The following STXBP4 variants were observed in gnomAD, a reference collection of about 807,000 sequenced individuals.
STXBP4 encodes syntaxin binding protein 4.
STXBP4 carries 55 observed loss-of-function variants against 76.1 expected under a neutral mutation model. The ratio of observed to expected loss-of-function variants is 0.72; its 90% CI spans 0.58 to 0.91. STXBP4 has a LOEUF of 0.91. Ranked by LOEUF, STXBP4 falls within the 40% of genes least tolerant of loss-of-function variation. The pLI, the probability that STXBP4 is intolerant of heterozygous loss-of-function variation, is 0.00. For synonymous variants in STXBP4, 201 were observed against 220.2 expected, an observed-to-expected ratio of 0.91 and a Z score of 0.77; for missense variants, 618 against 636.9, an observed-to-expected ratio of 0.97 and a Z score of 0.32.
chr17:55,144,658 C>G (rs2080132415), intron 17 of STXBP4, among the ~76,000 whole-genome samples: 1 of 152,194 alleles, frequency 6.6e-6, no homozygotes, highest in African/African-American at 2.4e-5. Context: ...CTAATTTGAA[C>G]TGCTTGTAAA....
At chr17:55,109,624 CTT>C (rs551292679) in intron 16 of STXBP4, among the ~76,000 whole-genome samples, 30,153 of 114,014 alleles carry the variant, frequency 0.26, 2,589 homozygotes, top group African/African-American at 0.29. Context: ...AACTCAATGT[CTT>C]TTTTTTTTTT....
At chr17:55,049,027 T>C (rs2078826184) in intron 12 of STXBP4, among the ~76,000 whole-genome samples, 1 of 151,938 alleles carries the variant, frequency 6.6e-6, no homozygotes, top group African/African-American at 2.4e-5. Flanking sequence ...AAGCAACTTA[T>C]GAAGGCAATA....
intron 4 of STXBP4, among the ~76,000 whole-genome samples, chr17:54,993,705 AAC>A: frequency 6.6e-6 from 1 of 152,248 alleles, no homozygotes; most frequent in Non-Finnish European, 1.5e-5. Flanking sequence ...TGGAATAGGA[AAC>A]ACAAACTCAT....
chr17:54,981,882 A>C (rs1349286958), intron 1 of STXBP4, among the ~76,000 whole-genome samples: 3 of 152,198 alleles, frequency 2.0e-5, no homozygotes, highest in African/African-American at 7.2e-5. Flanking sequence ...TGTAAAAAAA[A>C]CACAGTTCAC....
the STXBP4 span, among the ~76,000 whole-genome samples, chr17:55,192,741 T>C: frequency 6.6e-6 from 1 of 152,198 alleles, no homozygotes; most frequent in East Asian, 1.9e-4. Context: ...TATGCCCATT[T>C]TACTGATGAA....
intron 1 of STXBP4, among the ~76,000 whole-genome samples, chr17:54,984,594 C>T (rs562289494): frequency 2.0e-5 from 3 of 152,084 alleles, no homozygotes; most frequent in African/African-American, 7.2e-5. Flanking sequence ...CCACCCGCCT[C>T]GGCCACCCAA....
chr17:55,051,088 G>A (rs889355266), intron 12 of STXBP4, among the ~76,000 whole-genome samples: 18 of 152,116 alleles, frequency 1.2e-4, no homozygotes, highest in African/African-American at 4.1e-4. Context: ...ACACAGCAAT[G>A]AAATTGATTA....
intron 16 of STXBP4, among the ~76,000 whole-genome samples, chr17:55,132,143 T>C (rs541380585): frequency 6.6e-6 from 1 of 152,358 alleles, no homozygotes; most frequent in African/African-American, 2.4e-5. Context: ...GGGAAAATAA[T>C]GCAAATATTT....
rs2145199226 is a variant in STXBP4 at position 55,161,619 on chromosome 17, C to T, written c.*1708C>T. On this transcript the variant is annotated 3_prime_UTR_variant, in exon 18 of 18. Coordinates refer to ENST00000376352, the MANE Select transcript of STXBP4 (RefSeq NM_178509.6). The stretch of plus-strand genomic sequence containing the variant: ...CACACAGCCCACTGACAAGAGACAC[C>T]TCATCCATTAACTGCTGTTTTGTAC... 6.6e-6 allele frequency: 1 copy of T among 152,304 alleles called. No individual in the cohort carries two copies. Among genetic ancestry groups the T allele is most frequent in the Non-Finnish European group, 1.5e-5 (1 of 68,032 alleles). The allele number at this position is 152,304 out of a possible 1,614,324, so 9.4% of individuals were successfully genotyped here. A position where few individuals can be genotyped will look rare whatever the true frequency, so the allele number is the denominator to read the frequency against.
Position 55,043,321 on chromosome 17 carries a change from T to C in STXBP4, c.941T>C (p.Leu314Pro). The C allele has an allele frequency of 1.3e-6, 2 of 1,485,184 alleles. No individual in the cohort carries two copies. The highest frequency in any genetic ancestry group is 1.4e-5 in the African/African-American group (1 of 69,726). The allele number at this position is 1,485,184 out of a possible 1,614,324, so 92.0% of individuals were successfully genotyped here. A position where few individuals can be genotyped will look rare whatever the true frequency, so the allele number is the denominator to read the frequency against. ...RDDALKEVNT[L>P]KEKLLESDKQ... The stretch of plus-strand genomic sequence containing the variant: ...GATGCCTTGAAAGAAGTAAATACAC[T>C]TAAGGTAACCTCTAATTTAGTTTCC... Residue 314 changes from leucine (L) to proline (P), a missense_variant, in exon 11 of 18, where the codon CTT becomes CCT. Physicochemically the swap from Leu to Pro is moderately conservative, Grantham distance 98. Coordinates refer to ENST00000376352, the MANE Select transcript of STXBP4 (RefSeq NM_178509.6).
Position 55,081,166 on chromosome 17 carries a change from C to A in STXBP4, c.1472C>A (p.Ala491Asp). 1 of 1,498,212 alleles carries A rather than the reference C, an allele frequency of 6.7e-7. No homozygotes were observed. Among genetic ancestry groups the A allele is most frequent in the South Asian group, 1.4e-5 (1 of 73,528 alleles). 92.8% of individuals were successfully genotyped at this position (1,498,212 alleles called of 1,614,324 possible). A position where few individuals can be genotyped will look rare whatever the true frequency, so the allele number is the denominator to read the frequency against. The change falls in exon 16 of 18, where the codon GCC becomes GAC. Residue 491 changes from alanine (A) to aspartate (D), a missense_variant. By Grantham distance (126) the Ala-to-Asp change is moderately radical. Transcript: ENST00000376352. ...AAGGAACTTGTTAAATCTGTTCGTG[C>A]CTTACTTGATATGGATTGTAAGTTT... is the stretch of plus-strand genomic sequence containing the variant. ...ESKELVKSVR[A>D]LLDMDCLPYG... is the part of the protein sequence containing the mutation.
chr17:55,211,093 GC>G, the STXBP4 span, among the ~76,000 whole-genome samples: 1,515 of 150,598 alleles, frequency 0.01, 27 homozygotes, highest in African/African-American at 0.034. Flanking sequence ...ATCGTGAAAT[GC>G]CCCCCCCCAT....
the STXBP4 span, among the ~76,000 whole-genome samples, chr17:55,195,666 G>A: frequency 2.0e-5 from 3 of 152,174 alleles, no homozygotes; most frequent in Non-Finnish European, 4.4e-5. Context: ...GAACTCCTGA[G>A]CTCCAGTGAT....
chr17:55,048,529 C>A (rs925632424), intron 12 of STXBP4, among the ~76,000 whole-genome samples: 1 of 151,804 alleles, frequency 6.6e-6, no homozygotes, highest in Non-Finnish European at 1.5e-5. Flanking sequence ...ACACTCCATA[C>A]TCAAGGGAAT....
chr17:55,148,311 C>T (rs1299854853), intron 17 of STXBP4, among the ~76,000 whole-genome samples: 1 of 152,142 alleles, frequency 6.6e-6, no homozygotes, highest in Non-Finnish European at 1.5e-5. Flanking sequence ...ATTGTGTCAT[C>T]TCATTTATAA....
chr17:55,103,501 G>C (rs987799147), intron 16 of STXBP4, among the ~76,000 whole-genome samples: 58 of 151,090 alleles, frequency 3.8e-4, no homozygotes, highest in African/African-American at 1.4e-3. Flanking sequence ...ATCTCTTTTG[G>C]TACCAGTATT....
At chr17:55,207,549 T>G in the STXBP4 span, among the ~76,000 whole-genome samples, 1 of 152,200 alleles carries the variant, frequency 6.6e-6, no homozygotes, top group Non-Finnish European at 1.5e-5. Flanking sequence ...TCCCTTCAAA[T>G]ACTCTTATTT....
rs2080321390 is a variant in STXBP4 at position 55,159,821 on chromosome 17, G to A, written c.1572G>A (p.Trp524Ter). Residue 524 changes from tryptophan to a stop codon, truncating the protein, a stop_gained, in exon 18 of 18, where the codon TGG becomes TGA. Transcript: ENST00000376352. LOFTEE classifies it high-confidence loss of function. ...FINHVTQTTS[W>*]IHPVMSVLNL... Reference sequence around the variant, plus strand: ...GTCATGTAACACAGACTACATCCTGGATCCATCCCGTGATGAGTGTCCTGA... The same window carrying A: ...GTCATGTAACACAGACTACATCCTGAATCCATCCCGTGATGAGTGTCCTGA... 1 of 1,613,144 alleles carries A rather than the reference G, an allele frequency of 6.2e-7. No homozygotes were observed. Among genetic ancestry groups the A allele is most frequent in the Admixed American group, 1.7e-5 (1 of 59,970 alleles).
chr17:55,077,969 A>C (rs2079205915), intron 13 of STXBP4, 109 bp from the exon 14 acceptor site: 1 of 691,730 alleles, frequency 1.4e-6, no homozygotes, highest in African/African-American at 1.8e-5. Context: ...CAGTAAGAGA[A>C]AAAGATAATT....
Sources: allele counts gnomAD v4.1 joint callset (sites outside exome capture counted in the v4.1 genomes callset), GRCh38; gene constraint gnomAD v4.1.1; transcripts MANE v1.5; gene names NCBI Gene and HGNC (gene_info 2026-07-23, HGNC 2026-07-21).